The following FNIP2 variants were observed in gnomAD, a reference collection of about 807,000 sequenced individuals.
The protein encoded by FNIP2 is folliculin interacting protein 2.
FNIP2 carries 32 observed loss-of-function variants against 108.7 expected under a neutral mutation model. That is an observed-to-expected ratio of 0.29 (90% CI 0.22 to 0.40). The LOEUF (loss-of-function observed/expected upper bound fraction) is 0.40. Ranked by LOEUF, FNIP2 falls within the 10% of genes least tolerant of loss-of-function variation. The pLI is 1.00. For synonymous variants in FNIP2, 480 were observed against 496.7 expected (o/e 0.97, Z 0.45); for missense variants, 1,202 against 1,381.6 (o/e 0.87, Z 2.06).
intron 1 of FNIP2, among the ~76,000 whole-genome samples, chr4:158,817,472 C>T (rs1349532125): frequency 1.3e-5 from 2 of 152,186 alleles, no homozygotes; most frequent in Admixed American, 6.5e-5. Flanking sequence ...TAATAGATAA[C>T]TTGGGATTAT....
At chr4:158,845,288 A>T (rs1779339261) in intron 7 of FNIP2, among the ~76,000 whole-genome samples, 1 of 152,248 alleles carries the variant, frequency 6.6e-6, no homozygotes. Flanking sequence ...TATCCAGTAC[A>T]CAGAGTTAAC....
intron 1 of FNIP2, among the ~76,000 whole-genome samples, chr4:158,793,785 A>T (rs1022699112): frequency 5.9e-5 from 9 of 152,320 alleles, no homozygotes; most frequent in African/African-American, 2.2e-4. Flanking sequence ...CTCAGATTCC[A>T]GCTTTCCAAG....
At chr4:158,874,909 T>A (rs1485490138) in intron 14 of FNIP2, among the ~76,000 whole-genome samples, 4 of 116,832 alleles carry the variant, frequency 3.4e-5, no homozygotes, top group African/African-American at 1.4e-4. Flanking sequence ...TGAAACCCCG[T>A]CTCTACTAAA....
Position 158,831,689 on chromosome 4 carries a change from G to A in FNIP2, c.382-172G>A, listed in dbSNP as rs114525136. Among the ~76,000 whole-genome samples the A allele has an allele frequency of 2.8e-3, 422 of 152,252 alleles. 3 individuals carry two copies. The highest frequency in any genetic ancestry group is 9.6e-3 in the African/African-American group (401 of 41,558). On this transcript the variant is annotated intron_variant, in intron 3 of 16. Transcript: ENST00000264433. ...ATCACAAACATTAGTAATACTTTGG[G>A]GGGGAAAATAGGCAATCGCCATTAT...
At chr4:158,889,886 A>C in intron 14 of FNIP2, 1 of 985,368 alleles carries the variant, frequency 1.0e-6, no homozygotes, top group Non-Finnish European at 1.2e-6. Context: ...ACACAGGATG[A>C]ACAAGACCTT....
chr4:158,866,978 A>C (rs992107970), intron 12 of FNIP2, among the ~76,000 whole-genome samples: 6 of 152,244 alleles, frequency 3.9e-5, no homozygotes, highest in African/African-American at 1.4e-4. Context: ...AACTTATTAT[A>C]AAATGTAATA....
chr4:158,871,356 AT>A, intron 14 of FNIP2: 1 of 983,522 alleles, frequency 1.0e-6, no homozygotes, highest in Non-Finnish European at 1.2e-6. Flanking sequence ...TCCTCATCGC[AT>A]TAAGAAAATC....
chr4:158,869,379 G>A lies in FNIP2; in HGVS notation c.2743G>A (p.Gly915Ser), dbSNP rs776287048. Residue 915 changes from glycine to serine, a missense_variant, in exon 13 of 17, where the codon GGT (glycine) becomes AGT (serine). Around this residue, in one of 5 missense-constraint regions of FNIP2, gnomAD observed 878 missense variants for 990.3 expected, o/e 0.89. Transcript: ENST00000264433. ...TTCAGCCATGCTAGATCTGGGTCAC[G>A]GTGGTGACAGGACTGGAGGGTCCTT... ...CASAMLDLGH[G>S]GDRTGGSLEV... is the part of the protein sequence containing the mutation. 7 of 1,610,502 alleles carry A rather than the reference G, an allele frequency of 4.3e-6. No homozygotes were observed. Among genetic ancestry groups the A allele is most frequent in the South Asian group, 3.3e-5 (3 of 90,376 alleles).
rs1489055207 is a variant in FNIP2, at chr4:158,870,193, AC to A, written c.2793-119del. Reference sequence around the variant, plus strand: ...TGATCCACTTACTTGAGGGTTGGTGACATGGACCACCCTGAATCTATTTTAT... The same window carrying A: ...TGATCCACTTACTTGAGGGTTGGTGAATGGACCACCCTGAATCTATTTTAT... On this transcript the variant is annotated intron_variant, in intron 13 of 16. Coordinates refer to ENST00000264433, the MANE Select transcript of FNIP2 (RefSeq NM_020840.3). 7 of 1,096,996 alleles carry A rather than the reference AC, an allele frequency of 6.4e-6. No individual in the cohort carries two copies. The Admixed American group carries it at 9.5e-5, about 15-fold the overall frequency. 68.0% of individuals were successfully genotyped at this position (1,096,996 alleles called of 1,614,324 possible).
chr4:158,773,032 T>C (rs1271165934), intron 1 of FNIP2, among the ~76,000 whole-genome samples: 2 of 152,140 alleles, frequency 1.3e-5, no homozygotes, highest in Admixed American at 6.5e-5. Context: ...CTTCCTCCGC[T>C]CCCACTAATA....
chr4:158,857,881 G>A (rs1780075056), intron 8 of FNIP2, among the ~76,000 whole-genome samples: 1 of 152,044 alleles, frequency 6.6e-6, no homozygotes, highest in Non-Finnish European at 1.5e-5. Flanking sequence ...CTGGGAAATT[G>A]AGGCTGCAGT....
chr4:158,782,125 G>A (rs1399753088), intron 1 of FNIP2, among the ~76,000 whole-genome samples: 2 of 151,902 alleles, frequency 1.3e-5, no homozygotes, highest in African/African-American at 4.8e-5. Flanking sequence ...TAGGGAAATG[G>A]CAAGTAGCTT....
intron 7 of FNIP2, among the ~76,000 whole-genome samples, chr4:158,847,911 G>C (rs930915357): frequency 5.3e-5 from 8 of 152,212 alleles, no homozygotes; most frequent in Non-Finnish European, 1.0e-4. Flanking sequence ...AGACTCCTCT[G>C]CCTGGGGACA....
At chr4:158,827,334 G>T (rs978207220) in intron 2 of FNIP2, among the ~76,000 whole-genome samples, 1 of 152,216 alleles carries the variant, frequency 6.6e-6, no homozygotes, top group African/African-American at 2.4e-5. Context: ...TATCACTGGG[G>T]CTGCTCATAG....
At chr4:158,895,931 G>A (rs897570570) in intron 16 of FNIP2, 66 bp downstream of exon 16, 2 of 1,212,884 alleles carry the variant, frequency 1.6e-6, no homozygotes, top group Admixed American at 1.9e-5. Context: ...ACCCACTAAC[G>A]TGTTTAGCCT....
At chr4:158,851,627 G>A (rs146625223) in intron 8 of FNIP2, among the ~76,000 whole-genome samples, 177 bp downstream of exon 8, 249 of 152,310 alleles carry the variant, frequency 1.6e-3, no homozygotes, top group African/African-American at 5.6e-3. Flanking sequence ...ATAAATAAAA[G>A]CTGAAATTTT....
intron 12 of FNIP2, among the ~76,000 whole-genome samples, chr4:158,865,733 G>A (rs904814226): frequency 6.6e-6 from 1 of 152,142 alleles, no homozygotes; most frequent in East Asian, 1.9e-4. Flanking sequence ...TGTAATCAAA[G>A]TGTTAACAGT....
chr4:158,876,678 TC>T (rs1781300280), intron 14 of FNIP2, among the ~76,000 whole-genome samples: 1 of 152,214 alleles, frequency 6.6e-6, no homozygotes, highest in Non-Finnish European at 1.5e-5. Context: ...TTCCTTATAT[TC>T]CCAGCACCTT....
At chr4:158,866,406 CGG>C (rs1012925276) in intron 12 of FNIP2, among the ~76,000 whole-genome samples, 71 of 149,130 alleles carry the variant, frequency 4.8e-4, no homozygotes, top group African/African-American at 1.7e-3. Flanking sequence ...TGGGTAGAGA[CGG>C]GGTTTCACCC....
Sources: allele counts gnomAD v4.1 joint callset (sites outside exome capture counted in the v4.1 genomes callset), GRCh38; gene constraint gnomAD v4.1.1; regional missense constraint gnomAD v4.1.1; transcripts MANE v1.5; gene names NCBI Gene and HGNC (gene_info 2026-07-23, HGNC 2026-07-21).